CAPN7: variants seen among roughly 807,000 people sequenced by gnomAD.
CAPN7 encodes calpain 7.
In CAPN7, 72 loss-of-function variants were observed where a neutral mutation model predicts 115.2. That is an observed-to-expected ratio of 0.63 (90% CI 0.52 to 0.76). The LOEUF (loss-of-function observed/expected upper bound fraction) is 0.76. Among genes scored for constraint, CAPN7 ranks in the 30% least tolerant of loss-of-function variants. The pLI is 0.00. For synonymous variants in CAPN7, 344 were observed against 322.3 expected, an observed-to-expected ratio of 1.07 and a Z score of -0.72; for missense variants, 905 against 971.5, an observed-to-expected ratio of 0.93 and a Z score of 0.91.
chr3:15,208,344 G>A (rs2044746941), intron 1 of CAPN7, among the ~76,000 whole-genome samples: 1 of 151,538 alleles, frequency 6.6e-6, no homozygotes, highest in African/African-American at 2.4e-5. Flanking sequence ...GAGTGCCGTG[G>A]CCCACTAATA....
In CAPN7 at chr3:15,220,869, C is replaced by T. The variant is rs1304871891; in HGVS notation, c.526C>T (p.His176Tyr). 1 of 1,614,138 alleles carries T rather than the reference C, an allele frequency of 6.2e-7. No individual in the cohort carries two copies. The highest frequency in any genetic ancestry group is 1.3e-5 in the African/African-American group (1 of 75,062). Residue 176 changes from histidine to tyrosine, a missense_variant, in exon 5 of 21, where the codon CAT (histidine) becomes TAT (tyrosine). Around this residue, in one of 3 missense-constraint regions of CAPN7, gnomAD observed 271 missense variants for 239.6 expected, o/e 1.13. Transcript: ENST00000253693. Reference protein sequence around the residue: ...VKPKPPPVRAHFPLGANPFLE... With the variant: ...VKPKPPPVRAYFPLGANPFLE... ...GCCAAAGCCACCTCCAGTGAGAGCACATTTTCCACTGGGCGCTAATCCCTT... is the reference window on the plus strand; with the variant it reads ...GCCAAAGCCACCTCCAGTGAGAGCATATTTTCCACTGGGCGCTAATCCCTT...
intron 4 of CAPN7, among the ~76,000 whole-genome samples, chr3:15,219,169 T>C (rs1313660455): frequency 6.6e-6 from 1 of 152,238 alleles, no homozygotes; most frequent in African/African-American, 2.4e-5. Flanking sequence ...GTCTATTTTA[T>C]TTAGTGCTGT....
At chr3:15,250,295 A>C (rs746079780) in intron 19 of CAPN7, among the ~76,000 whole-genome samples, 2 of 152,030 alleles carry the variant, frequency 1.3e-5, no homozygotes, top group African/African-American at 2.4e-5. Context: ...GAGAATCCCG[A>C]GTCCAGGAGG....
chr3:15,243,662 C>A (rs1020018359), intron 16 of CAPN7, among the ~76,000 whole-genome samples: 3 of 152,076 alleles, frequency 2.0e-5, no homozygotes, highest in African/African-American at 2.4e-5. Flanking sequence ...AAAGAAAGGA[C>A]AGTTCCATCT....
rs532186742 is a variant in CAPN7 at position 15,244,509 on chromosome 3, A to G, written c.1865-1017A>G. On this transcript the variant is annotated intron_variant, in intron 16 of 20. Coordinates refer to ENST00000253693, the MANE Select transcript of CAPN7 (RefSeq NM_014296.3). ...CTTGTTCAAGATCCACAGATATGCCAATTCTTTACTCTTCTCACTAGACCA... is the reference window on the plus strand; with the variant it reads ...CTTGTTCAAGATCCACAGATATGCCGATTCTTTACTCTTCTCACTAGACCA... Among the ~76,000 whole-genome samples the G allele has an allele frequency of 3.3e-5, 5 of 152,310 alleles. No individual in the cohort carries two copies. The East Asian group carries it at 9.6e-4, about 29-fold the overall frequency.
chr3:15,217,348 C>G, intron 2 of CAPN7, 77 bp from the exon 3 acceptor site: 1 of 1,244,792 alleles, frequency 8.0e-7, no homozygotes, highest in Non-Finnish European at 1.1e-6. Flanking sequence ...TAAAAAATGT[C>G]TTAAATAGTG....
chr3:15,215,079 A>C (rs570164583), intron 2 of CAPN7, among the ~76,000 whole-genome samples: 6 of 152,226 alleles, frequency 3.9e-5, no homozygotes, highest in Admixed American at 3.9e-4. Context: ...TTTTTCATCA[A>C]TGGAATTAGT....
At chr3:15,237,435 G>A (rs1490570377) in intron 12 of CAPN7, among the ~76,000 whole-genome samples, 2 of 144,130 alleles carry the variant, frequency 1.4e-5, no homozygotes, top group East Asian at 3.8e-4. Flanking sequence ...GTGCATGACT[G>A]TATATGAAGT....
chr3:15,214,998 C>T (rs2045167188), intron 2 of CAPN7, among the ~76,000 whole-genome samples: 1 of 152,216 alleles, frequency 6.6e-6, no homozygotes, highest in Admixed American at 6.5e-5. Flanking sequence ...AATTATCCAG[C>T]CCAAAATGTC....
chr3:15,248,096 A>G (rs952377262), intron 19 of CAPN7, among the ~76,000 whole-genome samples: 4 of 152,178 alleles, frequency 2.6e-5, no homozygotes, highest in African/African-American at 9.7e-5. Context: ...TAGTGGGTGC[A>G]GCGCACCAGC....
chr3:15,212,117 C>A lies in CAPN7; in HGVS notation c.116C>A (p.Ala39Asp), dbSNP rs748864995. Residue 39 changes from alanine to aspartate, a missense_variant, in exon 2 of 21, where the codon GCC becomes GAC. Transcript: ENST00000253693. ...AVFYYKEAAQ[A>D]LIYAEMAGSS... ...TTTCATTTTTAGGAAGCTGCACAAG[C>A]CTTAATTTATGCTGAGATGGCAGGA... 13 of 1,604,700 alleles carry A rather than the reference C, an allele frequency of 8.1e-6. No individual in the cohort carries two copies. Among genetic ancestry groups the A allele is most frequent in the Non-Finnish European group, 1.1e-5 (13 of 1,175,192 alleles).
chr3:15,251,405 A>C lies in CAPN7; in HGVS notation c.*145A>C. 1.5e-6 allele frequency: 1 copy of C among 684,256 alleles called. No individual in the cohort carries two copies. Among genetic ancestry groups the C allele is most frequent in the Non-Finnish European group, 2.4e-6 (1 of 415,856 alleles). The allele number at this position is 684,256 out of a possible 1,614,324, so 42.4% of individuals were successfully genotyped here. On this transcript the variant is annotated 3_prime_UTR_variant, in exon 21 of 21. Coordinates refer to ENST00000253693, the MANE Select transcript of CAPN7 (RefSeq NM_014296.3). Reference sequence around the variant, plus strand: ...GTTACAGTGGAATCTGGTGCTTGTCAGGGTGTTTGGTAAGAACTGTATATA... The same window carrying C: ...GTTACAGTGGAATCTGGTGCTTGTCCGGGTGTTTGGTAAGAACTGTATATA...
chr3:15,240,657 A>G, intron 13 of CAPN7, 40 bp downstream of exon 13: 2 of 1,519,714 alleles, frequency 1.3e-6, no homozygotes, highest in Non-Finnish European at 1.8e-6. Context: ...TTTATTCTTC[A>G]AAAAAAAACA....
chr3:15,234,061 A>T (rs1694846979), intron 11 of CAPN7, 88 bp downstream of exon 11: 2 of 692,778 alleles, frequency 2.9e-6, no homozygotes, highest in South Asian at 3.5e-5. Context: ...CATGCCTGTA[A>T]TCCCAGCACT....
rs760223144 is a variant in CAPN7, at chr3:15,232,566, C to G, written c.1080C>G (p.Leu360=). The G allele has an allele frequency of 1.1e-5, 17 of 1,612,126 alleles. No individual in the cohort carries two copies. The highest frequency in any genetic ancestry group is 6.7e-5 in the East Asian group (3 of 44,732). Residue 360 remains leucine (L), a synonymous_variant, in exon 10 of 21, where the codon CTC becomes CTG. Transcript: ENST00000253693. ...CTGTTGATCACAAGGGAGAATTGCT[C>G]TGTTCTTATTCCAACAACAAAAGTG... is the stretch of plus-strand genomic sequence containing the variant. ...QLPVDHKGEL[L]CSYSNNKSEL... is the part of the protein sequence containing the mutation.
intron 6 of CAPN7, among the ~76,000 whole-genome samples, chr3:15,225,973 T>C (rs1440218117): frequency 6.6e-6 from 1 of 152,222 alleles, no homozygotes; most frequent in African/African-American, 2.4e-5. Flanking sequence ...TATCTTTCGC[T>C]AGAGAGATTG....
chr3:15,240,650 A>G, intron 13 of CAPN7, 33 bp downstream of exon 13: 2 of 1,564,876 alleles, frequency 1.3e-6, no homozygotes, highest in South Asian at 2.4e-5. Flanking sequence ...AATACCATTT[A>G]TTCTTCAAAA....
intron 2 of CAPN7, among the ~76,000 whole-genome samples, chr3:15,216,457 T>C (rs145214798): frequency 7.2e-5 from 11 of 152,374 alleles, no homozygotes; most frequent in African/African-American, 2.6e-4. Flanking sequence ...TCAGATCCTT[T>C]GCCCATTTTT....
At chr3:15,247,173 C>T in intron 18 of CAPN7, 154 bp from the exon 19 acceptor site, 1 of 598,324 alleles carries the variant, frequency 1.7e-6, no homozygotes, top group South Asian at 2.4e-5. Context: ...GCAAAGCAGC[C>T]TGGCTGTCAG....
Sources: gnomAD v4.1 joint callset for allele counts (sites outside exome capture counted in the v4.1 genomes callset) on GRCh38, gnomAD v4.1.1 for gene constraint, gnomAD v4.1.1 regional missense constraint, MANE v1.5 for transcripts, NCBI Gene and HGNC (gene_info 2026-07-23, HGNC 2026-07-21) for gene names.